Variants in GRB10 observed in about 807,000 individuals in gnomAD.
GRB10 encodes the protein growth factor receptor bound protein 10, also known as growth factor receptor-bound protein 10.
In GRB10, 20 loss-of-function variants were observed where a neutral mutation model predicts 80.9. The ratio of observed to expected loss-of-function variants is 0.25; its 90% CI spans 0.17 to 0.36. The LOEUF is 0.36. GRB10 is among the 10% of genes least tolerant of loss of function. GRB10 has a pLI of 1.00. For missense variants in GRB10, 548 were observed against 747.7 expected (o/e 0.73, Z 3.12); for synonymous variants, 291 against 291.5 (o/e 1.00, Z 0.02).
intron 13 of GRB10, among the ~76,000 whole-genome samples, chr7:50,609,821 A>C (rs2049188524): frequency 6.6e-6 from 1 of 152,246 alleles, no homozygotes; most frequent in South Asian, 2.1e-4. Context: ...ATGTAACAGG[A>C]AGAAATGAGA....
intron 3 of GRB10, among the ~76,000 whole-genome samples, chr7:50,754,002 A>T (rs76420569): frequency 3.6e-3 from 543 of 152,310 alleles, no homozygotes; most frequent in African/African-American, 0.012. Flanking sequence ...AAGGAATCTC[A>T]GCATCACTCG....
At chr7:50,720,665 A>C (rs1021023869) in intron 4 of GRB10, among the ~76,000 whole-genome samples, 1 of 152,236 alleles carries the variant, frequency 6.6e-6, no homozygotes, top group Admixed American at 6.5e-5. Context: ...TTACCACCTT[A>C]AAAGACCAGA....
rs116519794 is a variant in GRB10, at chr7:50,737,929, T to C, written c.-46-5561A>G. On this transcript the variant is annotated intron_variant, in intron 3 of 18. Coordinates refer to ENST00000401949, the MANE Select transcript of GRB10 (RefSeq NM_001350814.2). Reference sequence around the variant, plus strand: ...GCCTACAACTCAACAACAAAAGACATAAGCAACCTCATCTAAAAAGGCACA... The same window carrying C: ...GCCTACAACTCAACAACAAAAGACACAAGCAACCTCATCTAAAAAGGCACA... Among the ~76,000 whole-genome samples, 910 of 152,122 alleles carry C rather than the reference T, an allele frequency of 6.0e-3. 12 individuals carry two copies. The highest frequency in any genetic ancestry group is 0.02 in the African/African-American group (845 of 41,500).
At chr7:50,697,380 G>C (rs2153663310) in intron 5 of GRB10, among the ~76,000 whole-genome samples, 1 of 152,266 alleles carries the variant, frequency 6.6e-6, no homozygotes, top group South Asian at 2.1e-4. Context: ...CCCTTTCAAA[G>C]AAAAGTACAT....
At chr7:50,685,311 T>C (rs1437010280) in intron 5 of GRB10, among the ~76,000 whole-genome samples, 1 of 152,194 alleles carries the variant, frequency 6.6e-6, no homozygotes, top group Non-Finnish European at 1.5e-5. Context: ...CAAGGCTAAA[T>C]ATAACATAGC....
intron 7 of GRB10, among the ~76,000 whole-genome samples, chr7:50,660,910 T>C (rs2059203996): frequency 6.6e-6 from 1 of 152,062 alleles, no homozygotes; most frequent in African/African-American, 2.4e-5. Flanking sequence ...TCCCCAGCAC[T>C]CAGGGTAAAC....
rs2045822630 is a variant in GRB10, at chr7:50,591,329, A to G, written c.*1623T>C. 6.6e-6 allele frequency: 1 copy of G among 152,210 alleles called. No individual in the cohort carries two copies. Among genetic ancestry groups the G allele is most frequent in the Non-Finnish European group, 1.5e-5 (1 of 68,080 alleles). The allele number at this position is 152,210 out of a possible 1,614,324, so 9.4% of individuals were successfully genotyped here. A position where few individuals can be genotyped will look rare whatever the true frequency, so the allele number is the denominator to read the frequency against. On this transcript the variant is annotated 3_prime_UTR_variant, in exon 19 of 19. Transcript: ENST00000401949. The stretch of plus-strand genomic sequence containing the variant: ...GACTGGCCTTACTGAAGCTTGTGAC[A>G]CTGCTCTAGGCTACGGGGGTTGACT...
At position 50,659,918 on chromosome 7, in the gene GRB10, G is replaced by A. The variant is rs190797958; in HGVS notation, c.504+9804C>T. Among the ~76,000 whole-genome samples the A allele has an allele frequency of 3.4e-4, 52 of 152,318 alleles. No individual in the cohort carries two copies. The East Asian group carries it at 7.1e-3, about 21-fold the overall frequency. On this transcript the variant is annotated intron_variant, in intron 7 of 18. Coordinates refer to ENST00000401949, the MANE Select transcript of GRB10 (RefSeq NM_001350814.2). ...AGGCGTACTGAAATGCATTTCTGTC[G>A]TCTGGGGCACTGCTGTGGCACACTG...
At chr7:50,749,572 G>C (rs1049067692) in intron 3 of GRB10, among the ~76,000 whole-genome samples, 1 of 152,268 alleles carries the variant, frequency 6.6e-6, no homozygotes, top group South Asian at 2.1e-4. Flanking sequence ...ATCTCCAGGA[G>C]TTCTTCTTAG....
chr7:50,652,126 T>C (rs550342120), intron 7 of GRB10, among the ~76,000 whole-genome samples: 1 of 152,378 alleles, frequency 6.6e-6, no homozygotes, highest in Admixed American at 6.5e-5. Context: ...GTATTTCTAG[T>C]TCCAAATCAG....
intron 7 of GRB10, among the ~76,000 whole-genome samples, chr7:50,647,755 ACAGG>A (rs2057408398): frequency 6.6e-6 from 1 of 152,206 alleles, no homozygotes; most frequent in African/African-American, 2.4e-5. Flanking sequence ...CCATGACGAC[ACAGG>A]CAAGGAAAGT....
At chr7:50,723,762 A>G (rs2068132505) in intron 4 of GRB10, among the ~76,000 whole-genome samples, 1 of 152,214 alleles carries the variant, frequency 6.6e-6, no homozygotes, top group Non-Finnish European at 1.5e-5. Flanking sequence ...TGGGGCCTGC[A>G]TGCCTCCTGG....
chr7:50,625,771 C>T (rs914935507), intron 8 of GRB10, among the ~76,000 whole-genome samples: 1 of 152,164 alleles, frequency 6.6e-6, no homozygotes, highest in Admixed American at 6.5e-5. Flanking sequence ...AAGTACAGGG[C>T]GCATTAGAAA....
At chr7:50,739,614 T>C (rs2071387823) in intron 3 of GRB10, among the ~76,000 whole-genome samples, 1 of 152,226 alleles carries the variant, frequency 6.6e-6, no homozygotes, top group African/African-American at 2.4e-5. Flanking sequence ...CTACTGTATT[T>C]ATTAAAAACG....
At chr7:50,722,351 A>T (rs568578499) in intron 4 of GRB10, among the ~76,000 whole-genome samples, 1 of 152,352 alleles carries the variant, frequency 6.6e-6, no homozygotes, top group South Asian at 2.1e-4. Context: ...GCCCCAGGGT[A>T]ACCCCGCCTG....
intron 3 of GRB10, among the ~76,000 whole-genome samples, chr7:50,747,136 G>A (rs749685775): frequency 5.9e-5 from 9 of 152,156 alleles, no homozygotes; most frequent in Non-Finnish European, 7.3e-5. Flanking sequence ...ATCATTAGGA[G>A]TTTCCATCAT....
chr7:50,665,902 G>C (rs2059751774), intron 7 of GRB10, among the ~76,000 whole-genome samples: 1 of 152,166 alleles, frequency 6.6e-6, no homozygotes, highest in Non-Finnish European at 1.5e-5. Context: ...TCACAGGTTT[G>C]AAACTCAGCT....
chr7:50,663,682 G>C (rs1414163987), intron 7 of GRB10, among the ~76,000 whole-genome samples: 1 of 152,228 alleles, frequency 6.6e-6, no homozygotes, highest in Non-Finnish European at 1.5e-5. Flanking sequence ...CATCCTCTTG[G>C]TGATACTTTT....
chr7:50,773,432 G>C (rs1382237712), intron 2 of GRB10, among the ~76,000 whole-genome samples: 12 of 79,384 alleles, frequency 1.5e-4, no homozygotes, highest in African/African-American at 3.9e-4. Context: ...GAAGGGAAGG[G>C]GAAGGGGAGA....
Sources: gnomAD v4.1 joint callset for allele counts (sites outside exome capture counted in the v4.1 genomes callset) on GRCh38, gnomAD v4.1.1 for gene constraint, MANE v1.5 for transcripts, NCBI Gene and HGNC (gene_info 2026-07-23, HGNC 2026-07-21) for gene names.